UBR3: variants seen among roughly 807,000 people sequenced by gnomAD.
UBR3 encodes the protein E3 ubiquitin-protein ligase UBR3.
A neutral mutation model predicts 243.2 loss-of-function variants in UBR3; 85 were observed. The ratio of observed to expected loss-of-function variants is 0.35; its 90% CI spans 0.29 to 0.42. The LOEUF is 0.42. Ranked by LOEUF, UBR3 falls within the 10% of genes least tolerant of loss-of-function variation. The pLI is 1.00. For missense variants in UBR3, 1,686 were observed against 2,300.8 expected (o/e 0.73, Z 5.47); for synonymous variants, 748 against 799.8 (o/e 0.94, Z 1.09).
In UBR3 at chr2:169,932,937, C is replaced by T; in HGVS notation, c.2592C>T (p.Asp864=). The change falls in exon 19 of 39, where the codon GAC becomes GAT. Residue 864 remains aspartate, a synonymous_variant. Transcript: ENST00000272793. ...CTGAAGTCTGGGATCAAGAGTTTGA[C>T]CCCGTCATGGTCATTCTTCGAACAG... ...PKAEVWDQEF[D]PVMVILRTVY... is the part of the protein sequence containing the mutation. 1 of 1,543,014 alleles carries T rather than the reference C, an allele frequency of 6.5e-7. No homozygotes were observed. The highest frequency in any genetic ancestry group is 1.2e-5 in the South Asian group (1 of 82,024).
At chr2:169,907,891 C>T (rs1030259011) in intron 10 of UBR3, among the ~76,000 whole-genome samples, 8 of 152,100 alleles carry the variant, frequency 5.3e-5, no homozygotes, top group Non-Finnish European at 1.2e-4. Flanking sequence ...TCTGCCTCCA[C>T]CTCCCAAGTA....
chr2:170,032,147 A>G (rs182371452), intron 31 of UBR3, among the ~76,000 whole-genome samples: 3 of 152,328 alleles, frequency 2.0e-5, no homozygotes, highest in Admixed American at 6.5e-5. Flanking sequence ...ATCTTGAAAT[A>G]TCAACAACAC....
chr2:170,004,917 AAACAAAC>A (rs1455390531), intron 27 of UBR3, among the ~76,000 whole-genome samples: 10 of 151,820 alleles, frequency 6.6e-5, no homozygotes, highest in Non-Finnish European at 4.4e-5. Context: ...ATCTCAAAAC[AAACAAAC>A]AAAAAGAAAG....
intron 24 of UBR3, among the ~76,000 whole-genome samples, chr2:169,973,875 A>G (rs765536439): frequency 3.9e-5 from 6 of 152,152 alleles, no homozygotes; most frequent in African/African-American, 9.7e-5. Flanking sequence ...ACCTCCATCT[A>G]TACCTAGTTT....
chr2:170,050,999 C>T (rs954734467), intron 32 of UBR3, among the ~76,000 whole-genome samples: 2 of 152,134 alleles, frequency 1.3e-5, no homozygotes, highest in East Asian at 1.9e-4. Flanking sequence ...CACATATCTT[C>T]TCATATACTT....
intron 5 of UBR3, among the ~76,000 whole-genome samples, chr2:169,881,877 A>G (rs1240694512): frequency 7.5e-6 from 1 of 133,840 alleles, no homozygotes; most frequent in Non-Finnish European, 1.6e-5. Context: ...GTATACATAT[A>G]GGTATATGTG....
chr2:170,055,419 A>T (rs201340624), intron 32 of UBR3, 41 bp from the exon 33 acceptor site: 4 of 1,601,226 alleles, frequency 2.5e-6, no homozygotes, highest in Non-Finnish European at 3.4e-6. Flanking sequence ...AGTACAAAAT[A>T]TCTAGATTCC....
chr2:169,965,643 C>G (rs1208718306), intron 24 of UBR3, among the ~76,000 whole-genome samples: 2 of 152,118 alleles, frequency 1.3e-5, no homozygotes, highest in Admixed American at 1.3e-4. Flanking sequence ...AGCAGTTGAT[C>G]TGATAACAGA....
At chr2:169,975,992 C>T (rs1391959471) in intron 24 of UBR3, among the ~76,000 whole-genome samples, 1 of 151,120 alleles carries the variant, frequency 6.6e-6, no homozygotes, top group Non-Finnish European at 1.5e-5. Flanking sequence ...CCTGTTTTAT[C>T]TGCATGTTTT....
chr2:169,837,219 G>A lies in UBR3; in HGVS notation c.545+9167G>A, dbSNP rs1369498862. Among the ~76,000 whole-genome samples the A allele has an allele frequency of 3.9e-5, 6 of 152,252 alleles. No homozygotes were observed. In the East Asian group the frequency reaches 1.2e-3, roughly 29 times the overall value. ...TGAACGGGCCCGGAGGCTCACGCCT[G>A]TAATCCCAGCACTTTGGGAAGCCGA... On this transcript the variant is annotated intron_variant, in intron 1 of 38. Transcript: ENST00000272793.
chr2:169,918,613 T>C (rs1200336152), intron 11 of UBR3, among the ~76,000 whole-genome samples: 1 of 152,130 alleles, frequency 6.6e-6, no homozygotes, highest in East Asian at 1.9e-4. Flanking sequence ...TGAGCCATTG[T>C]GCCTGGCCAA....
chr2:170,081,514 T>G (rs533229312), intron 38 of UBR3, among the ~76,000 whole-genome samples: 1 of 150,378 alleles, frequency 6.6e-6, no homozygotes, highest in Admixed American at 6.6e-5. Flanking sequence ...AAGAAATAAG[T>G]AAATAAAAAA....
chr2:169,953,295 AT>A (rs747651764), intron 23 of UBR3, among the ~76,000 whole-genome samples: 2 of 152,178 alleles, frequency 1.3e-5, no homozygotes, highest in African/African-American at 4.8e-5. Context: ...TGCTTCTCAC[AT>A]TTGTCTTTCC....
intron 11 of UBR3, among the ~76,000 whole-genome samples, chr2:169,915,976 C>G (rs964521085): frequency 6.6e-6 from 1 of 152,064 alleles, no homozygotes; most frequent in African/African-American, 2.4e-5. Context: ...TCTGGCCCAT[C>G]AGGATGTTTC....
chr2:169,930,231 T>A (rs1405079201), intron 18 of UBR3, among the ~76,000 whole-genome samples: 4 of 152,192 alleles, frequency 2.6e-5, no homozygotes, highest in Non-Finnish European at 5.9e-5. Context: ...TCTGGGAATC[T>A]GCTTTTTAAA....
chr2:169,836,056 TATATATA>T lies in UBR3; in HGVS notation c.545+8005_545+8011del, dbSNP rs1558998867. On this transcript the variant is annotated intron_variant, in intron 1 of 38. Coordinates refer to ENST00000272793, the MANE Select transcript of UBR3 (RefSeq NM_172070.4). The stretch of plus-strand genomic sequence containing the variant: ...CTCTCTCTCTCTCTATATATATATA[TATATATA>T]TATATTTTTTTTTTTTTTTTTTTTT... Among the ~76,000 whole-genome samples, 20 of 55,848 alleles carry T rather than the reference TATATATA, an allele frequency of 3.6e-4. 3 individuals are homozygous for T. The highest frequency in any genetic ancestry group is 1.3e-3 in the South Asian group (2 of 1,554). The allele number at this position is 55,848 out of a possible 152,430, so 36.6% of individuals were successfully genotyped here.
chr2:169,944,798 G>A (rs1382339773), intron 20 of UBR3, among the ~76,000 whole-genome samples: 1 of 152,048 alleles, frequency 6.6e-6, no homozygotes, highest in African/African-American at 2.4e-5. Context: ...GAATTTAGCT[G>A]GTAATGTTTT....
At chr2:170,001,521 G>A (rs1559174607) in intron 27 of UBR3, 107 bp downstream of exon 27, 2 of 667,342 alleles carry the variant, frequency 3.0e-6, no homozygotes, top group Non-Finnish European at 5.2e-6. Flanking sequence ...AGGTGATTTT[G>A]ATCATCGTAT....
At chr2:169,970,534 C>T (rs1273290829) in intron 24 of UBR3, among the ~76,000 whole-genome samples, 1 of 115,898 alleles carries the variant, frequency 8.6e-6, no homozygotes, top group Admixed American at 9.2e-5. Flanking sequence ...TCCATGTGTT[C>T]TCATTGTTCA....
Sources: gnomAD v4.1 joint callset for allele counts (sites outside exome capture counted in the v4.1 genomes callset) on GRCh38, gnomAD v4.1.1 for gene constraint, MANE v1.5 for transcripts, NCBI Gene and HGNC (gene_info 2026-07-23, HGNC 2026-07-21) for gene names.